LRRC37A2: variants seen among roughly 807,000 people sequenced by gnomAD.
LRRC37A2 encodes leucine-rich repeat-containing protein 37A2.
Under a neutral mutation model 68.8 loss-of-function variants are expected in LRRC37A2, and 9 were observed. The ratio of observed to expected loss-of-function variants is 0.13; its 90% CI spans 0.08 to 0.23. The LOEUF is 0.23. Ranked by LOEUF, LRRC37A2 falls within the 10% of genes least tolerant of loss-of-function variation. The probability of loss-of-function intolerance (pLI) is 1.00; values close to 1 mark genes in which losing one functional copy is unlikely to be tolerated. For missense variants in LRRC37A2, 168 were observed against 950.4 expected (o/e 0.18, Z 10.82); for synonymous variants, 63 against 367.6 (o/e 0.17, Z 9.48).
chr17:46,820,118 A>T, the LRRC37A2 span, among the ~76,000 whole-genome samples: 1 of 152,236 alleles, frequency 6.6e-6, no homozygotes, highest in Non-Finnish European at 1.5e-5. Flanking sequence ...AGGGGGCCAG[A>T]CATTCCTGGC....
chr17:46,999,544 C>G, the LRRC37A2 span, among the ~76,000 whole-genome samples: 1 of 152,016 alleles, frequency 6.6e-6, no homozygotes, highest in Admixed American at 6.6e-5. Context: ...GAGACGGGGT[C>G]TTGCCATATT....
At chr17:46,894,298 TTGAC>T in the LRRC37A2 span, among the ~76,000 whole-genome samples, 1 of 152,222 alleles carries the variant, frequency 6.6e-6, no homozygotes, top group Non-Finnish European at 1.5e-5. Flanking sequence ...GGCAATGTGA[TTGAC>T]TGAGTCCCTT....
At chr17:46,933,522 A>C in the LRRC37A2 span, 1 of 152,218 alleles carries the variant, frequency 6.6e-6, no homozygotes, top group Non-Finnish European at 1.5e-5. Flanking sequence ...GATGAAATTA[A>C]AAGACCTGAC....
At chr17:47,024,240 A>G in the LRRC37A2 span, among the ~76,000 whole-genome samples, 1 of 152,248 alleles carries the variant, frequency 6.6e-6, no homozygotes, top group South Asian at 2.1e-4. Flanking sequence ...CTTTATGCAC[A>G]TTATAGTTCT....
the LRRC37A2 span, among the ~76,000 whole-genome samples, chr17:46,790,601 C>G: frequency 3.3e-5 from 5 of 152,154 alleles, no homozygotes; most frequent in African/African-American, 1.2e-4. Flanking sequence ...ACCAGTCCCT[C>G]CAAGTTGTTA....
At chr17:46,413,481 TACACACACACACACACACACACACACAC>T in the LRRC37A2 span, among the ~76,000 whole-genome samples, 1 of 24,706 alleles carries the variant, frequency 4.0e-5, no homozygotes. Context: ...TCTCTCTCTG[TACACACACACACACACACACACACACAC>T]ACACACACAC....
At chr17:47,015,645 A>G in the LRRC37A2 span, among the ~76,000 whole-genome samples, 1 of 152,226 alleles carries the variant, frequency 6.6e-6, no homozygotes, top group Non-Finnish European at 1.5e-5. Context: ...ATTATTTACT[A>G]TTTATGGAAA....
At chr17:46,679,101 G>A in the LRRC37A2 span, among the ~76,000 whole-genome samples, 1 of 152,050 alleles carries the variant, frequency 6.6e-6, no homozygotes, top group African/African-American at 2.4e-5. Flanking sequence ...ACATGCTTGG[G>A]TGGTAAAACT....
At chr17:46,883,308 G>T in the LRRC37A2 span, among the ~76,000 whole-genome samples, 1 of 141,270 alleles carries the variant, frequency 7.1e-6, no homozygotes, top group Non-Finnish European at 1.5e-5. Flanking sequence ...TTGTGAGATG[G>T]AGTCTCGCTT....
At chr17:46,932,344 C>T in the LRRC37A2 span, 18 of 888,726 alleles carry the variant, frequency 2.0e-5, no homozygotes, top group South Asian at 2.2e-4. Flanking sequence ...GAACTTTGTG[C>T]ATTGCCACAG....
chr17:46,545,521 T>C (rs1334290484), intron 8 of LRRC37A2, among the ~76,000 whole-genome samples: 2 of 123,758 alleles, frequency 1.6e-5, no homozygotes, highest in African/African-American at 7.9e-5. Context: ...TCAGTGAAGA[T>C]CCTGTTCTCA....
the LRRC37A2 span, among the ~76,000 whole-genome samples, chr17:46,902,724 C>G: frequency 6.6e-6 from 1 of 152,140 alleles, no homozygotes; most frequent in Non-Finnish European, 1.5e-5. Context: ...TGGTTGCCCA[C>G]AGATACCGTG....
At chr17:47,010,935 G>C in the LRRC37A2 span, among the ~76,000 whole-genome samples, 1 of 152,184 alleles carries the variant, frequency 6.6e-6, no homozygotes, top group African/African-American at 2.4e-5. Context: ...GTGGATTGTT[G>C]TTTGTCCGAA....
At chr17:46,751,632 C>CT in the LRRC37A2 span, 1 of 1,501,134 alleles carries the variant, frequency 6.7e-7, no homozygotes, top group Non-Finnish European at 9.3e-7. Context: ...GTACTTCGTT[C>CT]TCCGTATGAC....
the LRRC37A2 span, among the ~76,000 whole-genome samples, chr17:46,496,593 A>G: frequency 7.5e-6 from 1 of 134,204 alleles, no homozygotes; most frequent in South Asian, 2.3e-4. Context: ...GCAGAGCAAG[A>G]CTCCATCTCA....
the LRRC37A2 span, among the ~76,000 whole-genome samples, chr17:46,926,143 A>T: frequency 1.3e-5 from 2 of 152,110 alleles, no homozygotes; most frequent in Non-Finnish European, 2.9e-5. Flanking sequence ...TGAACAGCGG[A>T]GCTTAAGAAC....
At chr17:47,020,543 G>T in the LRRC37A2 span, among the ~76,000 whole-genome samples, 1 of 151,126 alleles carries the variant, frequency 6.6e-6, no homozygotes, top group African/African-American at 2.4e-5. Context: ...ACTTTGGGAG[G>T]CCGAGGTGGG....
the LRRC37A2 span, among the ~76,000 whole-genome samples, chr17:46,866,862 T>C: frequency 2.6e-5 from 4 of 151,860 alleles, no homozygotes; most frequent in South Asian, 8.3e-4. Flanking sequence ...AGGATGGGAG[T>C]AGGTGGAAGA....
At chr17:46,869,089 C>T in the LRRC37A2 span, among the ~76,000 whole-genome samples, 11 of 152,202 alleles carry the variant, frequency 7.2e-5, no homozygotes, top group Admixed American at 6.5e-5. Context: ...GTTCCCGAGG[C>T]AGTGCCAGGG....
Sources: allele counts gnomAD v4.1 joint callset (sites outside exome capture counted in the v4.1 genomes callset), GRCh38; gene constraint gnomAD v4.1.1; transcripts MANE v1.5; gene names NCBI Gene and HGNC (gene_info 2026-07-23, HGNC 2026-07-21).